The following DOK6 variants were observed in gnomAD, a reference collection of about 807,000 sequenced individuals.
DOK6 encodes downstream of tyrosine kinase 6.
DOK6 carries 22 observed loss-of-function variants against 44.0 expected under a neutral mutation model. The observed-to-expected ratio is 0.50, with a 90% CI of 0.36 to 0.71. DOK6 has a LOEUF of 0.71. Among genes scored for constraint, DOK6 ranks in the 30% least tolerant of loss-of-function variants. The probability of loss-of-function intolerance (pLI) is 0.00; values close to 1 mark genes in which losing one functional copy is unlikely to be tolerated. For missense variants in DOK6, 340 were observed against 416.4 expected (o/e 0.82, Z 1.60); for synonymous variants, 166 against 145.5 (o/e 1.14, Z -1.01).
intron 7 of DOK6, among the ~76,000 whole-genome samples, chr18:69,834,464 T>C (rs577197204): frequency 6.6e-6 from 1 of 152,230 alleles, no homozygotes; most frequent in East Asian, 1.9e-4. Context: ...TATTCCATAG[T>C]ATAGTAGATA....
intron 1 of DOK6, among the ~76,000 whole-genome samples, chr18:69,426,028 C>T (rs1480909594): frequency 1.3e-5 from 2 of 152,066 alleles, no homozygotes; most frequent in Admixed American, 1.3e-4. Context: ...ATCCATTCAC[C>T]TGGATTGTTA....
At chr18:69,820,249 T>A (rs1472056822) in intron 7 of DOK6, among the ~76,000 whole-genome samples, 2 of 152,236 alleles carry the variant, frequency 1.3e-5, no homozygotes, top group Non-Finnish European at 2.9e-5. Flanking sequence ...TACTTAACAC[T>A]AATACCCCAA....
At chr18:69,776,209 T>A (rs1980056936) in intron 7 of DOK6, among the ~76,000 whole-genome samples, 1 of 151,798 alleles carries the variant, frequency 6.6e-6, no homozygotes, top group African/African-American at 2.4e-5. Flanking sequence ...AAAACAAAAA[T>A]CAGAGACTAT....
rs540836095 is a variant in DOK6, at chr18:69,565,915, A to T, written c.174+1321A>T. On this transcript the variant is annotated intron_variant, in intron 2 of 7. Transcript: ENST00000382713. ...ATATGTTTGTGTTATAACTATGATT[A>T]TGACTTTGGCAATAAAGTGAAACCT... 1.6e-4 allele frequency among the ~76,000 whole-genome samples: 24 copies of T among 152,344 alleles called. No homozygotes were observed. In the East Asian group the frequency reaches 3.7e-3, roughly 23 times the overall value.
intron 5 of DOK6, among the ~76,000 whole-genome samples, chr18:69,699,068 A>G (rs1986454399): frequency 6.6e-6 from 1 of 152,178 alleles, no homozygotes; most frequent in Non-Finnish European, 1.5e-5. Flanking sequence ...TGATCACAGC[A>G]TATGGTTGGA....
chr18:69,597,154 A>T (rs1034160613), intron 2 of DOK6, among the ~76,000 whole-genome samples: 2 of 152,132 alleles, frequency 1.3e-5, no homozygotes, highest in Non-Finnish European at 2.9e-5. Flanking sequence ...ATAATATCAC[A>T]GTAAGGGAAA....
chr18:69,635,077 C>G (rs1358023765), intron 3 of DOK6, among the ~76,000 whole-genome samples: 1 of 152,190 alleles, frequency 6.6e-6, no homozygotes, highest in Non-Finnish European at 1.5e-5. Context: ...TTGACACAAT[C>G]CAGGTGCAAA....
intron 2 of DOK6, among the ~76,000 whole-genome samples, chr18:69,580,732 G>T (rs1427157932): frequency 6.6e-6 from 1 of 151,962 alleles, no homozygotes; most frequent in African/African-American, 2.4e-5. Flanking sequence ...ATAATATATT[G>T]TTAATTATAG....
At chr18:69,779,465 C>T (rs183269889) in intron 7 of DOK6, among the ~76,000 whole-genome samples, 35 of 151,668 alleles carry the variant, frequency 2.3e-4, no homozygotes, top group African/African-American at 8.2e-4. Flanking sequence ...CACACACACA[C>T]ACACACACAC....
intron 4 of DOK6, among the ~76,000 whole-genome samples, chr18:69,697,384 A>AG (rs1477205262): frequency 6.6e-6 from 1 of 152,016 alleles, no homozygotes; most frequent in Admixed American, 6.6e-5. Flanking sequence ...TAACCCACAG[A>AG]GGTATATCTG....
At chr18:69,746,687 T>G (rs1003345280) in intron 6 of DOK6, among the ~76,000 whole-genome samples, 1 of 152,226 alleles carries the variant, frequency 6.6e-6, no homozygotes, top group South Asian at 2.1e-4. Flanking sequence ...TATTTGTCAT[T>G]CTGGTACAGA....
intron 2 of DOK6, among the ~76,000 whole-genome samples, chr18:69,592,040 TTGGGAA>T (rs1983633521): frequency 1.3e-5 from 2 of 152,066 alleles, no homozygotes; most frequent in African/African-American, 4.8e-5. Context: ...TTCGTACTAT[TTGGGAA>T]TTATTTTCAT....
At chr18:69,593,304 T>G (rs1983664209) in intron 2 of DOK6, among the ~76,000 whole-genome samples, 1 of 151,792 alleles carries the variant, frequency 6.6e-6, no homozygotes, top group Non-Finnish European at 1.5e-5. Flanking sequence ...CCCAGGAGTT[T>G]GAGGCTGCAG....
At chr18:69,529,709 A>G (rs1981931669) in intron 1 of DOK6, among the ~76,000 whole-genome samples, 3 of 152,182 alleles carry the variant, frequency 2.0e-5, no homozygotes, top group Admixed American at 1.3e-4. Flanking sequence ...ATTAAAATCC[A>G]ACACAGCCAT....
intron 1 of DOK6, among the ~76,000 whole-genome samples, chr18:69,560,559 C>T (rs1308185323): frequency 1.3e-5 from 2 of 151,984 alleles, no homozygotes; most frequent in Non-Finnish European, 2.9e-5. Flanking sequence ...ATATAATTCT[C>T]GTAATTATGA....
intron 7 of DOK6, chr18:69,831,173 G>A (rs557384564): frequency 3.9e-5 from 6 of 152,304 alleles, no homozygotes; most frequent in Admixed American, 3.9e-4. Context: ...CAATGGTGTA[G>A]GTCCCATAGT....
chr18:69,539,051 C>T (rs2144579543), intron 1 of DOK6, among the ~76,000 whole-genome samples: 1 of 152,270 alleles, frequency 6.6e-6, no homozygotes, highest in Middle Eastern at 3.4e-3. Flanking sequence ...TAATGAGTAT[C>T]AGCTGTTATT....
Position 69,846,944 on chromosome 18 carries a change from TGAA to T in DOK6, c.*5563_*5565del, listed in dbSNP as rs539278463. On this transcript the variant is annotated 3_prime_UTR_variant, in exon 8 of 8. Transcript: ENST00000382713. ...TCAGTAGACAATGATTTAAATTAAC[TGAA>T]GTTTAAATAAGAAATATGTTAAAAT... The T allele has an allele frequency of 3.1e-3, 469 of 152,276 alleles. 6 individuals carry two copies. Among genetic ancestry groups the T allele is most frequent in the African/African-American group, 0.011 (453 of 41,556 alleles). The allele number at this position is 152,276 out of a possible 1,614,324, so 9.4% of individuals were successfully genotyped here. A position where few individuals can be genotyped will look rare whatever the true frequency, so the allele number is the denominator to read the frequency against.
Position 69,841,236 on chromosome 18 carries a change from C to G in DOK6, c.857-8C>G. On this transcript the variant is annotated splice_polypyrimidine_tract_variant and splice_region_variant and intron_variant, in intron 7 of 7. Transcript: ENST00000382713. ...TTCTCAGTAGAGCTCTCCTTTCTTCCTCTCTAGGTCATGGGTTTGGTTCGT... is the reference window on the plus strand; with the variant it reads ...TTCTCAGTAGAGCTCTCCTTTCTTCGTCTCTAGGTCATGGGTTTGGTTCGT... 1 of 1,614,110 alleles carries G rather than the reference C, an allele frequency of 6.2e-7. No individual in the cohort carries two copies. Among genetic ancestry groups the G allele is most frequent in the Non-Finnish European group, 8.5e-7 (1 of 1,179,980 alleles).
Sources: gnomAD v4.1 joint callset for allele counts (sites outside exome capture counted in the v4.1 genomes callset) on GRCh38, gnomAD v4.1.1 for gene constraint, MANE v1.5 for transcripts, NCBI Gene and HGNC (gene_info 2026-07-23, HGNC 2026-07-21) for gene names.